Variants in MACROD2 observed in about 807,000 individuals in gnomAD.
MACROD2 encodes the protein ADP-ribose glycohydrolase MACROD2.
A neutral mutation model predicts 70.4 loss-of-function variants in MACROD2; 36 were observed. That is an observed-to-expected ratio of 0.51 (90% CI 0.39 to 0.68). MACROD2 has a LOEUF of 0.68. Among genes scored for constraint, MACROD2 ranks in the 30% least tolerant of loss-of-function variants. The pLI, the probability that MACROD2 is intolerant of heterozygous loss-of-function variation, is 0.00. For synonymous variants in MACROD2, 172 were observed against 178.8 expected (o/e 0.96, Z 0.30); for missense variants, 496 against 538.4 (o/e 0.92, Z 0.78).
chr20:15,535,063 A>G (rs2047855772), intron 8 of MACROD2, among the ~76,000 whole-genome samples: 1 of 152,022 alleles, frequency 6.6e-6, no homozygotes, highest in Non-Finnish European at 1.5e-5. Flanking sequence ...GCAGCCTCCA[A>G]CTCCTGGATT....
chr20:14,415,392 A>G (rs2083792771), intron 3 of MACROD2, among the ~76,000 whole-genome samples: 1 of 150,674 alleles, frequency 6.6e-6, no homozygotes. Context: ...GTATATTTAC[A>G]GCTTATTTAA....
intron 6 of MACROD2, among the ~76,000 whole-genome samples, chr20:15,338,167 A>G (rs2423937): frequency 0.62 from 93,263 of 151,288 alleles, 29,220 homozygotes; most frequent in East Asian, 0.75. Flanking sequence ...TCCTCGCTAA[A>G]CACAGACACA....
chr20:14,320,995 G>A (rs2082654976), intron 3 of MACROD2, among the ~76,000 whole-genome samples: 1 of 152,100 alleles, frequency 6.6e-6, no homozygotes, highest in East Asian at 1.9e-4. Flanking sequence ...CTGCAGAGCA[G>A]TGAACGGTCA....
At chr20:15,276,167 G>A (rs1459269184) in intron 6 of MACROD2, among the ~76,000 whole-genome samples, 4 of 152,108 alleles carry the variant, frequency 2.6e-5, no homozygotes, top group African/African-American at 7.2e-5. Flanking sequence ...TTGGGAGGCC[G>A]AGGCGGGCGG....
chr20:15,881,763 T>G (rs1460805103), intron 9 of MACROD2, among the ~76,000 whole-genome samples: 3 of 152,140 alleles, frequency 2.0e-5, no homozygotes, highest in Admixed American at 6.6e-5. Context: ...AGGGCTATTA[T>G]CATTCTTGCT....
intron 4 of MACROD2, among the ~76,000 whole-genome samples, chr20:14,495,631 A>G (rs990667834): frequency 1.3e-5 from 2 of 152,110 alleles, no homozygotes; most frequent in East Asian, 1.9e-4. Flanking sequence ...TTCTTTAAAT[A>G]TATGTATGTA....
chr20:15,520,021 G>A lies in MACROD2; in HGVS notation c.645+20174G>A, dbSNP rs890813763. 5.3e-5 allele frequency among the ~76,000 whole-genome samples: 8 copies of A among 152,308 alleles called. No homozygotes were observed. In the East Asian group the frequency reaches 1.2e-3, roughly 22 times the overall value. On this transcript the variant is annotated intron_variant, in intron 8 of 17. Transcript: ENST00000684519. ...TTCTGTTGGAGTTAGGGGAAGCGGCGAGAATAAAAGAAGCACTGCAATCAA... is the reference window on the plus strand; with the variant it reads ...TTCTGTTGGAGTTAGGGGAAGCGGCAAGAATAAAAGAAGCACTGCAATCAA...
At chr20:14,876,411 G>T (rs1160051629) in intron 5 of MACROD2, among the ~76,000 whole-genome samples, 1 of 152,050 alleles carries the variant, frequency 6.6e-6, no homozygotes, top group East Asian at 1.9e-4. Flanking sequence ...CTCCCATTCT[G>T]TAGGTTGTCT....
intron 6 of MACROD2, among the ~76,000 whole-genome samples, chr20:15,237,792 ATT>A (rs879386996): frequency 6.9e-6 from 1 of 145,856 alleles, no homozygotes; most frequent in Non-Finnish European, 1.5e-5. Flanking sequence ...AAGCTGGACT[ATT>A]TTTTTTTTTT....
chr20:15,369,372 A>G (rs73107026), intron 6 of MACROD2, among the ~76,000 whole-genome samples: 6,595 of 152,308 alleles, frequency 0.043, 178 homozygotes, highest in Middle Eastern at 0.11. Flanking sequence ...CAGACTTCTG[A>G]CAGCTTAATA....
At chr20:15,783,855 A>C (rs2051876306) in intron 8 of MACROD2, among the ~76,000 whole-genome samples, 1 of 152,032 alleles carries the variant, frequency 6.6e-6, no homozygotes, top group Non-Finnish European at 1.5e-5. Context: ...TATTAGTAGA[A>C]ACTGTGCTTG....
rs553601812 is a variant in MACROD2, at chr20:14,762,603, G to A, written c.418+77644G>A. Among the ~76,000 whole-genome samples the A allele has an allele frequency of 1.3e-3, 196 of 152,122 alleles. 1 individual carries two copies. Among genetic ancestry groups the A allele is most frequent in the African/African-American group, 4.4e-3 (183 of 41,460 alleles). ...CCGCAAAAGTTCCTGGTAATGCTTT[G>A]CCTATGTCAGTGTGGAACTTGGCCT... On this transcript the variant is annotated intron_variant, in intron 5 of 17. Coordinates refer to ENST00000684519, the MANE Select transcript of MACROD2 (RefSeq NM_001351661.2).
At chr20:14,687,970 T>A (rs904136368) in intron 5 of MACROD2, among the ~76,000 whole-genome samples, 2 of 152,196 alleles carry the variant, frequency 1.3e-5, no homozygotes, top group African/African-American at 4.8e-5. Flanking sequence ...TGATAAACAT[T>A]GTGTGTGTTC....
At chr20:14,474,355 T>C (rs1412726440) in intron 3 of MACROD2, among the ~76,000 whole-genome samples, 1 of 152,182 alleles carries the variant, frequency 6.6e-6, no homozygotes, top group African/African-American at 2.4e-5. Flanking sequence ...ACAATTTCAA[T>C]TTTTAAAATT....
chr20:14,172,714 T>G (rs938311347), intron 3 of MACROD2, among the ~76,000 whole-genome samples: 5 of 152,194 alleles, frequency 3.3e-5, no homozygotes, highest in African/African-American at 9.7e-5. Context: ...CTGAATACCT[T>G]GGTTTTTTTC....
intron 4 of MACROD2, among the ~76,000 whole-genome samples, chr20:14,531,449 C>T (rs2085302753): frequency 6.6e-6 from 1 of 152,102 alleles, no homozygotes; most frequent in African/African-American, 2.4e-5. Context: ...TGACCAGAAG[C>T]TGGAATTAGC....
intron 4 of MACROD2, among the ~76,000 whole-genome samples, chr20:14,508,612 G>A (rs2084995268): frequency 6.6e-6 from 1 of 152,164 alleles, no homozygotes; most frequent in Non-Finnish European, 1.5e-5. Context: ...GCACCTCCAT[G>A]TTCCAGGCAC....
chr20:15,801,580 A>G (rs920008670), intron 8 of MACROD2, among the ~76,000 whole-genome samples: 2 of 151,958 alleles, frequency 1.3e-5, no homozygotes, highest in African/African-American at 4.8e-5. Flanking sequence ...TTATACCAGT[A>G]CCATGGTGTT....
intron 3 of MACROD2, among the ~76,000 whole-genome samples, chr20:14,441,206 C>T (rs1310551892): frequency 6.6e-6 from 1 of 152,042 alleles, no homozygotes; most frequent in Non-Finnish European, 1.5e-5. Flanking sequence ...TCACTTTTAC[C>T]CTCTTAAAAT....
Sources: gnomAD v4.1 joint callset for allele counts (sites outside exome capture counted in the v4.1 genomes callset) on GRCh38, gnomAD v4.1.1 for gene constraint, MANE v1.5 for transcripts, NCBI Gene and HGNC (gene_info 2026-07-23, HGNC 2026-07-21) for gene names.